RBFOX1: variants seen among roughly 807,000 people sequenced by gnomAD.
The protein encoded by RBFOX1 is RNA binding fox-1 homolog 1.
Under a neutral mutation model 57.7 loss-of-function variants are expected in RBFOX1, and 8 were observed. The ratio of observed to expected loss-of-function variants is 0.14; its 90% CI spans 0.08 to 0.25. The LOEUF is 0.25. Among genes scored for constraint, RBFOX1 ranks in the 10% least tolerant of loss-of-function variants. The pLI is 1.00. For synonymous variants in RBFOX1, 326 were observed against 222.4 expected, an observed-to-expected ratio of 1.47 and a Z score of -4.15; for missense variants, 611 against 548.5, an observed-to-expected ratio of 1.11 and a Z score of -1.14.
chr16:5,427,025 T>C (rs2067581455), intron 1 of RBFOX1, among the ~76,000 whole-genome samples: 1 of 152,132 alleles, frequency 6.6e-6, no homozygotes. Context: ...GCTCCTTTCA[T>C]GCCACCTCCT....
At chr16:5,690,200 G>A (rs58076089) in intron 3 of RBFOX1, among the ~76,000 whole-genome samples, 6,335 of 152,256 alleles carry the variant, frequency 0.042, 453 homozygotes, top group African/African-American at 0.14. Context: ...CCAATGAAAG[G>A]GCATACATTG....
At chr16:6,927,904 C>G (rs555165040) in intron 3 of RBFOX1, among the ~76,000 whole-genome samples, 11 of 152,330 alleles carry the variant, frequency 7.2e-5, no homozygotes, top group African/African-American at 2.4e-4. Context: ...TAAACATCAT[C>G]TAAACACTAA....
At chr16:5,271,195 A>G (rs1440941956) in intron 1 of RBFOX1, among the ~76,000 whole-genome samples, 4 of 150,394 alleles carry the variant, frequency 2.7e-5, no homozygotes, top group Non-Finnish European at 4.4e-5. Flanking sequence ...AAGAAAAAAG[A>G]AAAAAAAAAG....
chr16:7,352,622 A>G (rs2097148567), intron 4 of RBFOX1, among the ~76,000 whole-genome samples: 1 of 152,082 alleles, frequency 6.6e-6, no homozygotes, highest in Non-Finnish European at 1.5e-5. Context: ...TATATTTCCC[A>G]TGTAGTTCTA....
At chr16:5,599,956 C>A (rs1011375318) in exon 3 of RBFOX1, 1 of 151,966 alleles carries the variant, frequency 6.6e-6, no homozygotes, top group Non-Finnish European at 1.5e-5. Flanking sequence ...TGCTTGAGCT[C>A]AGGAGTTGGA....
At chr16:6,606,851 G>C (rs915517615) in intron 2 of RBFOX1, among the ~76,000 whole-genome samples, 1 of 152,138 alleles carries the variant, frequency 6.6e-6, no homozygotes, top group African/African-American at 2.4e-5. Flanking sequence ...AGAATGATTT[G>C]TATTCCTTTG....
chr16:7,169,818 C>G (rs1053488653), intron 4 of RBFOX1, among the ~76,000 whole-genome samples: 1 of 38,484 alleles, frequency 2.6e-5, no homozygotes, highest in Non-Finnish European at 4.5e-5. Flanking sequence ...GCCTGTAATC[C>G]CTGCACTTTG....
At chr16:5,837,263 T>C (rs2056489756) in intron 3 of RBFOX1, among the ~76,000 whole-genome samples, 1 of 151,938 alleles carries the variant, frequency 6.6e-6, no homozygotes, top group Non-Finnish European at 1.5e-5. Flanking sequence ...TTTTTTTTTT[T>C]TAACTACACA....
rs115728338 is a variant in RBFOX1 at position 5,972,685 on chromosome 16, G to A, written c.351+105350G>A. Among the ~76,000 whole-genome samples, 215 of 152,230 alleles carry A rather than the reference G, an allele frequency of 1.4e-3. 1 individual carries two copies. The highest frequency in any genetic ancestry group is 4.8e-3 in the African/African-American group (198 of 41,550). ...TGTCCTGTTCATTATTTGACCTTAC[G>A]GTGGCTCAGGACCTGCCTGCCTCAT... is the stretch of plus-strand genomic sequence containing the variant. On this transcript the variant is annotated intron_variant, in intron 4 of 19. Transcript: ENST00000641259.
intron 2 of RBFOX1, among the ~76,000 whole-genome samples, chr16:5,580,070 T>C (rs2029180): frequency 0.89 from 135,474 of 152,206 alleles, 60,374 homozygotes; most frequent in East Asian, 1. Context: ...TGCGCCCAGC[T>C]GGCAGTTAAT....
chr16:7,433,366 T>C (rs2098697298), intron 4 of RBFOX1, among the ~76,000 whole-genome samples: 2 of 152,282 alleles, frequency 1.3e-5, no homozygotes, highest in South Asian at 4.1e-4. Flanking sequence ...ACTGATACTT[T>C]TTCTCCTCCC....
At chr16:5,386,863 C>G (rs1411752125) in intron 1 of RBFOX1, among the ~76,000 whole-genome samples, 1 of 152,140 alleles carries the variant, frequency 6.6e-6, no homozygotes, top group Non-Finnish European at 1.5e-5. Context: ...CCAGCCTGCC[C>G]AACACGGCGA....
At chr16:6,226,845 C>T (rs1296116262) in intron 1 of RBFOX1, among the ~76,000 whole-genome samples, 1 of 151,238 alleles carries the variant, frequency 6.6e-6, no homozygotes, top group African/African-American at 2.4e-5. Flanking sequence ...CATAGTGCCA[C>T]ACACCTGTAA....
intron 6 of RBFOX1, 84 bp from the exon 7 acceptor site, chr16:7,587,163 G>C: frequency 7.6e-7 from 1 of 1,314,448 alleles, no homozygotes; most frequent in Non-Finnish European, 9.8e-7. Flanking sequence ...GAAAAAAATG[G>C]ACGTGGGAAA....
At chr16:7,098,030 G>GGA (rs934360131) in intron 4 of RBFOX1, among the ~76,000 whole-genome samples, 1 of 152,170 alleles carries the variant, frequency 6.6e-6, no homozygotes, top group African/African-American at 2.4e-5. Context: ...GCTCAGTGAT[G>GGA]GAGTATTCAA....
chr16:7,684,329 G>T (rs947337543), intron 14 of RBFOX1, among the ~76,000 whole-genome samples: 1 of 152,068 alleles, frequency 6.6e-6, no homozygotes, highest in African/African-American at 2.4e-5. Flanking sequence ...TAGAATAGGG[G>T]CCACTATTGG....
chr16:5,922,802 T>G (rs2058853017), intron 4 of RBFOX1, among the ~76,000 whole-genome samples: 1 of 152,236 alleles, frequency 6.6e-6, no homozygotes, highest in African/African-American at 2.4e-5. Flanking sequence ...GCTAACGCTC[T>G]CCATTCTGCA....
At chr16:7,072,095 C>A (rs535382438) in intron 4 of RBFOX1, among the ~76,000 whole-genome samples, 1 of 152,106 alleles carries the variant, frequency 6.6e-6, no homozygotes, top group Admixed American at 6.6e-5. Flanking sequence ...AGTCTTTGTT[C>A]CTTTTACGGT....
chr16:5,786,425 G>C (rs2054502162), intron 3 of RBFOX1, among the ~76,000 whole-genome samples: 1 of 150,382 alleles, frequency 6.6e-6, no homozygotes, highest in Non-Finnish European at 1.5e-5. Flanking sequence ...CTACCACTAG[G>C]AGGGACCCTG....
Sources: gnomAD v4.1 joint callset for allele counts (sites outside exome capture counted in the v4.1 genomes callset) on GRCh38, gnomAD v4.1.1 for gene constraint, MANE v1.5 for transcripts, NCBI Gene and HGNC (gene_info 2026-07-23, HGNC 2026-07-21) for gene names.